Variants in MRPS28 observed in about 807,000 individuals in gnomAD.
MRPS28 encodes small ribosomal subunit protein bS1m.
A neutral mutation model predicts 10.8 loss-of-function variants in MRPS28; 7 were observed. That is an observed-to-expected ratio of 0.65 (90% confidence interval 0.37 to 1.22). The LOEUF (loss-of-function observed/expected upper bound fraction) is 1.22. MRPS28 is among the 50% of genes most tolerant of loss of function. The probability of loss-of-function intolerance (pLI) is 0.02; values close to 1 mark genes in which losing one functional copy is unlikely to be tolerated. For synonymous variants in MRPS28, 121 were observed against 93.3 expected, an observed-to-expected ratio of 1.30 and a Z score of -1.71; for missense variants, 265 against 232.9, an observed-to-expected ratio of 1.14 and a Z score of -0.90.
intron 2 of MRPS28, among the ~76,000 whole-genome samples, chr8:79,988,830 C>A (rs1207417103): frequency 6.6e-6 from 1 of 152,172 alleles, no homozygotes; most frequent in Non-Finnish European, 1.5e-5. Context: ...TATGTTCTTC[C>A]TGTTACTTGT....
At chr8:79,919,939 C>CCTTCCCA (rs1554567148) in intron 2 of MRPS28, among the ~76,000 whole-genome samples, 1 of 106,550 alleles carries the variant, frequency 9.4e-6, no homozygotes, top group Non-Finnish European at 1.8e-5. Context: ...TAATGCTATC[C>CCTTCCCA]CTCCCCCCAC....
intron 2 of MRPS28, among the ~76,000 whole-genome samples, chr8:79,950,565 C>T (rs1807055032): frequency 6.6e-6 from 1 of 152,170 alleles, no homozygotes; most frequent in African/African-American, 2.4e-5. Flanking sequence ...TATACACACA[C>T]ACACAAGCAC....
intron 2 of MRPS28, among the ~76,000 whole-genome samples, chr8:79,997,811 T>C (rs1808542164): frequency 6.6e-6 from 1 of 151,810 alleles, no homozygotes; most frequent in Non-Finnish European, 1.5e-5. Context: ...TCCCAGCACT[T>C]TGGGAGGCTG....
intron 2 of MRPS28, among the ~76,000 whole-genome samples, chr8:79,998,142 T>C (rs1353798252): frequency 6.6e-6 from 1 of 152,036 alleles, no homozygotes; most frequent in Non-Finnish European, 1.5e-5. Flanking sequence ...GAAACCAAAG[T>C]GCCTAGGTAT....
chr8:79,969,400 A>G (rs1045209719), intron 2 of MRPS28, among the ~76,000 whole-genome samples: 1 of 152,176 alleles, frequency 6.6e-6, no homozygotes, highest in Non-Finnish European at 1.5e-5. Flanking sequence ...CTGGGCTATT[A>G]AAACTGTATA....
chr8:79,984,078 G>C (rs1429630003), intron 2 of MRPS28, among the ~76,000 whole-genome samples: 1 of 151,866 alleles, frequency 6.6e-6, no homozygotes, highest in African/African-American at 2.4e-5. Flanking sequence ...CGGATCTCTT[G>C]GCAGAAACTA....
At chr8:79,967,919 C>T (rs190626048) in intron 2 of MRPS28, among the ~76,000 whole-genome samples, 1 of 152,046 alleles carries the variant, frequency 6.6e-6, no homozygotes, top group Non-Finnish European at 1.5e-5. Flanking sequence ...ATAACTGATA[C>T]ATACTATTTA....
chr8:80,015,571 T>A (rs1165848762), intron 1 of MRPS28, among the ~76,000 whole-genome samples: 1 of 152,124 alleles, frequency 6.6e-6, no homozygotes, highest in Non-Finnish European at 1.5e-5. Flanking sequence ...ACACACCCTA[T>A]CACCACATTA....
chr8:80,001,198 T>C (rs997774738), intron 2 of MRPS28, among the ~76,000 whole-genome samples: 1 of 152,246 alleles, frequency 6.6e-6, no homozygotes, highest in African/African-American at 2.4e-5. Context: ...GGCACTGCGA[T>C]GGACAGCATC....
chr8:79,920,659 C>T (rs1228174704), intron 2 of MRPS28, among the ~76,000 whole-genome samples: 4 of 152,080 alleles, frequency 2.6e-5, no homozygotes, highest in South Asian at 2.1e-4. Context: ...TGTAAATTTG[C>T]TTGAGTTCAT....
intron 2 of MRPS28, among the ~76,000 whole-genome samples, chr8:79,926,118 T>C (rs763705216): frequency 6.6e-6 from 1 of 151,932 alleles, no homozygotes; most frequent in African/African-American, 2.4e-5. Context: ...TAGTCAAATA[T>C]GAATACATAC....
chr8:80,019,405 C>T (rs368583292), intron 1 of MRPS28, among the ~76,000 whole-genome samples: 5 of 149,846 alleles, frequency 3.3e-5, no homozygotes, highest in Admixed American at 6.7e-5. Context: ...ATCACATGGT[C>T]GTATTTCATT....
intron 2 of MRPS28, among the ~76,000 whole-genome samples, chr8:80,000,654 T>C (rs1317015086): frequency 1.3e-5 from 2 of 152,228 alleles, no homozygotes; most frequent in Admixed American, 6.5e-5. Context: ...CATTTAAAGC[T>C]ATACTACACA....
At chr8:79,980,918 C>T (rs528809021) in intron 2 of MRPS28, among the ~76,000 whole-genome samples, 11 of 152,310 alleles carry the variant, frequency 7.2e-5, no homozygotes, top group African/African-American at 2.2e-4. Flanking sequence ...ACTACCATTA[C>T]TATTAATAAT....
rs74907677 is a variant in MRPS28, at chr8:79,978,062, A to G, written c.395+24937T>C. Among the ~76,000 whole-genome samples the G allele has an allele frequency of 6.3e-3, 963 of 152,290 alleles. 14 individuals are homozygous for G. Among genetic ancestry groups the G allele is most frequent in the East Asian group, 0.057 (295 of 5,186 alleles). On this transcript the variant is annotated intron_variant, in intron 2 of 2. Transcript: ENST00000276585. ...TCACATCATAATGTAATTAGTTAAAAAGACATGCTTTGGAATTCAGATTAG... is the reference window on the plus strand; with the variant it reads ...TCACATCATAATGTAATTAGTTAAAGAGACATGCTTTGGAATTCAGATTAG...
rs552916990 is a variant in MRPS28, at chr8:79,920,452, G to A, written c.396-1304C>T. 1.0e-3 allele frequency among the ~76,000 whole-genome samples: 158 copies of A among 152,280 alleles called. 1 individual carries two copies. Among genetic ancestry groups the A allele is most frequent in the Admixed American group, 1.7e-3 (26 of 15,296 alleles). On this transcript the variant is annotated intron_variant, in intron 2 of 2. Coordinates refer to ENST00000276585, the MANE Select transcript of MRPS28 (RefSeq NM_014018.3). The stretch of plus-strand genomic sequence containing the variant: ...TTTCTCCACATCCTCTCCAGCACCT[G>A]TTGTTTCCTGACTTTTTAATGATCA...
At chr8:80,024,147 C>CTGAGCCAAGGGAGAGAGGTTGCAG (rs1435270439) in intron 1 of MRPS28, among the ~76,000 whole-genome samples, 4 of 151,948 alleles carry the variant, frequency 2.6e-5, no homozygotes, top group Non-Finnish European at 5.9e-5. Flanking sequence ...GGAGAATCAC[C>CTGAGCCAAGGGAGAGAGGTTGCAG]TGAGCCAAGG....
chr8:79,948,593 T>C (rs746611973), intron 2 of MRPS28, among the ~76,000 whole-genome samples: 5 of 152,246 alleles, frequency 3.3e-5, no homozygotes. Context: ...AGTTTGATGT[T>C]AATTTTAAGT....
chr8:80,029,675 C>CCT, intron 1 of MRPS28: 3 of 1,287,848 alleles, frequency 2.3e-6, no homozygotes, highest in Non-Finnish European at 3.1e-6. Context: ...CCAGCAGAGC[C>CCT]CTGCCTCTCC....
Sources: gnomAD v4.1 joint callset for allele counts (sites outside exome capture counted in the v4.1 genomes callset) on GRCh38, gnomAD v4.1.1 for gene constraint, MANE v1.5 for transcripts, NCBI Gene and HGNC (gene_info 2026-07-23, HGNC 2026-07-21) for gene names.